Variants in NEK11 observed in about 807,000 individuals in gnomAD.
NEK11 encodes serine/threonine-protein kinase Nek11.
In NEK11, 72 loss-of-function variants were observed where a neutral mutation model predicts 80.7. The ratio of observed to expected loss-of-function variants is 0.89; its 90% CI spans 0.74 to 1.08. NEK11 has a LOEUF of 1.08. Among genes scored for constraint, NEK11 ranks in the 50% least tolerant of loss-of-function variants. NEK11 has a pLI of 0.00. For synonymous variants in NEK11, 251 were observed against 260.7 expected (o/e 0.96, Z 0.36); for missense variants, 764 against 763.6 (o/e 1.00, Z -0.01).
chr3:131,148,438 A>G (rs952341661), intron 7 of NEK11, among the ~76,000 whole-genome samples: 1 of 151,984 alleles, frequency 6.6e-6, no homozygotes, highest in African/African-American at 2.4e-5. Context: ...AATATTTGGA[A>G]GAATTTATCA....
At chr3:131,045,083 A>G (rs1196709295) in intron 3 of NEK11, among the ~76,000 whole-genome samples, 1 of 152,244 alleles carries the variant, frequency 6.6e-6, no homozygotes, top group African/African-American at 2.4e-5. Flanking sequence ...GAGCAAAGAC[A>G]CAGCATACCA....
At chr3:131,222,686 A>G (rs2095062653) in intron 14 of NEK11, among the ~76,000 whole-genome samples, 1 of 152,350 alleles carries the variant, frequency 6.6e-6, no homozygotes, top group Non-Finnish European at 1.5e-5. Flanking sequence ...TGAACTAGTC[A>G]CATTCTAGAG....
Position 131,152,535 on chromosome 3 carries a change from A to G in NEK11, c.795A>G (p.Glu265=), listed in dbSNP as rs1304200794. ...RYPKELNAIM[E]SMLNKNPSLR... is the part of the protein sequence containing the mutation. ...CAAAAGAACTAAATGCCATCATGGA[A>G]AGGTATAGAAATAAACATGTTGTCA... The change falls in exon 8 of 18, where the codon GAA becomes GAG. Residue 265 remains glutamate, a splice_region_variant and synonymous_variant. Transcript: ENST00000383366. 6.2e-7 allele frequency: 1 copy of G among 1,611,506 alleles called. No homozygotes were observed. The highest frequency in any genetic ancestry group is 8.5e-7 in the Non-Finnish European group (1 of 1,178,812).
intron 17 of NEK11, among the ~76,000 whole-genome samples, chr3:131,277,213 T>C (rs2096308155): frequency 6.6e-6 from 1 of 152,252 alleles, no homozygotes. Context: ...TTAACAGTTA[T>C]CACCCATGAC....
chr3:131,170,771 A>G lies in NEK11; in HGVS notation c.1285-2A>G, dbSNP rs1380561550. On this transcript the variant is annotated splice_acceptor_variant, in intron 13 of 17. Transcript: ENST00000383366. LOFTEE classifies it high-confidence loss of function. ...CATGAATTGTTAATTACCTTCCACA[A>G]GGAATCTGATGAACCAACTTTAGAG... The G allele has an allele frequency of 1.9e-6, 3 of 1,590,442 alleles. No homozygotes were observed. The highest frequency in any genetic ancestry group is 2.6e-6 in the Non-Finnish European group (3 of 1,158,318).
At chr3:131,218,521 G>A (rs1371263720) in intron 14 of NEK11, among the ~76,000 whole-genome samples, 1 of 152,206 alleles carries the variant, frequency 6.6e-6, no homozygotes, top group Non-Finnish European at 1.5e-5. Flanking sequence ...GTGGAGAATA[G>A]AGTATCTGTG....
chr3:131,349,253 A>T (rs1375360830), intron 17 of NEK11, among the ~76,000 whole-genome samples: 1 of 152,166 alleles, frequency 6.6e-6, no homozygotes, highest in Non-Finnish European at 1.5e-5. Context: ...ACGTTTATAT[A>T]AACACATCTG....
chr3:131,262,777 T>C (rs2095954063), intron 16 of NEK11, among the ~76,000 whole-genome samples: 1 of 152,174 alleles, frequency 6.6e-6, no homozygotes. Flanking sequence ...GCCCGTCATC[T>C]ACATTAGGTA....
chr3:131,033,694 G>T (rs187414926), intron 3 of NEK11, among the ~76,000 whole-genome samples: 1 of 152,236 alleles, frequency 6.6e-6, no homozygotes, highest in East Asian at 1.9e-4. Flanking sequence ...TTGACATTTT[G>T]CATACAGGGT....
At chr3:131,060,788 T>G (rs1397162012) in intron 3 of NEK11, among the ~76,000 whole-genome samples, 1 of 152,206 alleles carries the variant, frequency 6.6e-6, no homozygotes. Context: ...GGTTTTAATT[T>G]CTCTTCATCC....
intron 3 of NEK11, 136 bp downstream of exon 3, chr3:131,030,014 C>A: frequency 2.6e-6 from 2 of 755,920 alleles, no homozygotes; most frequent in East Asian, 2.7e-5. Context: ...CCAAGGTTGG[C>A]AGATCACTTG....
chr3:131,111,581 C>A (rs1051013351), intron 5 of NEK11, among the ~76,000 whole-genome samples: 5 of 152,142 alleles, frequency 3.3e-5, no homozygotes, highest in African/African-American at 1.2e-4. Flanking sequence ...TGGATGTGCA[C>A]AATTCATTGT....
intron 17 of NEK11, among the ~76,000 whole-genome samples, chr3:131,332,414 T>A (rs1395586696): frequency 6.6e-6 from 1 of 152,106 alleles, no homozygotes; most frequent in East Asian, 1.9e-4. Context: ...GTCCTGTCTG[T>A]TAGAAGGAAA....
chr3:131,199,484 T>C (rs1343254250), intron 14 of NEK11, among the ~76,000 whole-genome samples: 1 of 152,160 alleles, frequency 6.6e-6, no homozygotes, highest in Non-Finnish European at 1.5e-5. Context: ...AAATGCATAA[T>C]AGTTTTGAAG....
chr3:131,236,846 A>G (rs2095439240), intron 15 of NEK11, among the ~76,000 whole-genome samples: 1 of 152,146 alleles, frequency 6.6e-6, no homozygotes, highest in Non-Finnish European at 1.5e-5. Context: ...CTGCCTTCCT[A>G]TGAATTATGA....
At chr3:131,071,479 T>G (rs2073284394) in intron 3 of NEK11, among the ~76,000 whole-genome samples, 1 of 152,046 alleles carries the variant, frequency 6.6e-6, no homozygotes. Flanking sequence ...ACTCTTTTCT[T>G]TCTTGCCTCT....
At chr3:131,347,411 C>T (rs1276530676) in intron 17 of NEK11, among the ~76,000 whole-genome samples, 2 of 152,192 alleles carry the variant, frequency 1.3e-5, no homozygotes, top group African/African-American at 4.8e-5. Context: ...TTATGTCTTG[C>T]ATTGTCATGA....
chr3:131,168,758 C>T, intron 12 of NEK11, 72 bp from the exon 13 acceptor site: 1 of 1,048,872 alleles, frequency 9.5e-7, no homozygotes, highest in Non-Finnish European at 1.4e-6. Flanking sequence ...CTCCTGAAAG[C>T]AGCACTTCAC....
At chr3:131,310,717 A>G (rs1358621651) in intron 17 of NEK11, among the ~76,000 whole-genome samples, 1 of 152,198 alleles carries the variant, frequency 6.6e-6, no homozygotes, top group Non-Finnish European at 1.5e-5. Flanking sequence ...GAAAAAAAAT[A>G]CAGTGTGTAT....
Sources: allele counts gnomAD v4.1 joint callset (sites outside exome capture counted in the v4.1 genomes callset), GRCh38; gene constraint gnomAD v4.1.1; transcripts MANE v1.5; gene names NCBI Gene and HGNC (gene_info 2026-07-23, HGNC 2026-07-21).